The following P3H2 variants were observed in gnomAD, a reference collection of about 807,000 sequenced individuals.
P3H2 encodes prolyl 3-hydroxylase 2, also known as leprecan-like 1.
A neutral mutation model predicts 87.0 loss-of-function variants in P3H2; 80 were observed. The observed-to-expected ratio is 0.92, with a 90% confidence interval of 0.77 to 1.11. The LOEUF is 1.11. P3H2 is among the 50% of genes least tolerant of loss of function. The pLI, the probability that P3H2 is intolerant of heterozygous loss-of-function variation, is 0.00. For synonymous variants in P3H2, 367 were observed against 359.3 expected, an observed-to-expected ratio of 1.02 and a Z score of -0.24; for missense variants, 1,001 against 923.9, an observed-to-expected ratio of 1.08 and a Z score of -1.08.
At chr3:190,003,342 C>T (rs975199804) in intron 1 of P3H2, among the ~76,000 whole-genome samples, 6 of 151,984 alleles carry the variant, frequency 3.9e-5, no homozygotes, top group East Asian at 1.9e-4. Context: ...TTAGGAGCTC[C>T]GTGAAACAAC....
chr3:190,007,567 G>T (rs1010454891), intron 1 of P3H2, among the ~76,000 whole-genome samples: 1 of 151,942 alleles, frequency 6.6e-6, no homozygotes, highest in Non-Finnish European at 1.5e-5. Flanking sequence ...TCTTTTCCCA[G>T]ACAGAAAGCC....
At chr3:190,120,078 A>C (rs1712477130) in intron 1 of P3H2, among the ~76,000 whole-genome samples, 174 bp downstream of exon 1, 1 of 152,244 alleles carries the variant, frequency 6.6e-6, no homozygotes, top group African/African-American at 2.4e-5. Flanking sequence ...CAAGTTAATC[A>C]ATTGTTGCAT....
intron 1 of P3H2, among the ~76,000 whole-genome samples, chr3:190,110,843 T>C (rs1274697019): frequency 6.6e-6 from 1 of 152,250 alleles, no homozygotes; most frequent in Non-Finnish European, 1.5e-5. Context: ...TAGAAGTTTC[T>C]TTGTTTTGTA....
chr3:190,000,700 C>T (rs564093946), intron 1 of P3H2, among the ~76,000 whole-genome samples: 1 of 152,186 alleles, frequency 6.6e-6, no homozygotes, highest in East Asian at 1.9e-4. Context: ...TGAAAGGTGC[C>T]TGAAGTGGAA....
At chr3:190,080,808 T>C (rs985769889) in intron 1 of P3H2, among the ~76,000 whole-genome samples, 1 of 152,196 alleles carries the variant, frequency 6.6e-6, no homozygotes, top group Admixed American at 6.5e-5. Flanking sequence ...GCAACATCTG[T>C]AGTGGAGACA....
At chr3:189,984,711 G>T in intron 6 of P3H2, 121 bp from the exon 7 acceptor site, 1 of 718,422 alleles carries the variant, frequency 1.4e-6, no homozygotes, top group Non-Finnish European at 2.4e-6. Flanking sequence ...TAGGAATTTT[G>T]CATATTGTGT....
intron 1 of P3H2, among the ~76,000 whole-genome samples, chr3:190,051,250 T>C (rs1725971972): frequency 6.6e-6 from 1 of 152,160 alleles, no homozygotes; most frequent in East Asian, 1.9e-4. Context: ...AAGAGGCAAC[T>C]GAAGAAAAAG....
In P3H2 at chr3:189,973,917, C is replaced by T; in HGVS notation, c.1540G>A (p.Ala514Thr). The change falls in exon 10 of 15, where the codon GCA becomes ACA. Residue 514 changes from alanine (A) to threonine (T), a missense_variant. Physicochemically the swap from Ala to Thr is moderately conservative, Grantham distance 58 (BLOSUM62 0). Coordinates refer to ENST00000319332, the MANE Select transcript of P3H2 (RefSeq NM_018192.4). ...EKFEGATVLK[A>T]LKSGYEGRVP... ...AGAAGTTAAGACTTTACTTTGAGTG[C>T]TTTCAGGACAGTTGCACCTTCAAAC... 1 of 1,613,126 alleles carries T rather than the reference C, an allele frequency of 6.2e-7. No homozygotes were observed. The highest frequency in any genetic ancestry group is 8.5e-7 in the Non-Finnish European group (1 of 1,179,084).
At chr3:189,984,009 T>C (rs3108308) in intron 7 of P3H2, among the ~76,000 whole-genome samples, 114,815 of 151,772 alleles carry the variant, frequency 0.76, 44,098 homozygotes, top group East Asian at 0.92. Flanking sequence ...CACACCAACA[T>C]GGCACATGTA....
chr3:189,970,670 G>C, intron 13 of P3H2, 146 bp downstream of exon 13: 1 of 634,590 alleles, frequency 1.6e-6, no homozygotes, highest in East Asian at 2.7e-5. Flanking sequence ...AACAGTTTAT[G>C]ATCTATACAT....
chr3:190,079,854 A>G (rs2108978553), intron 1 of P3H2, among the ~76,000 whole-genome samples: 1 of 152,348 alleles, frequency 6.6e-6, no homozygotes, highest in East Asian at 1.9e-4. Context: ...TTAACCTGTC[A>G]GTGCCCAGTT....
chr3:190,033,374 T>C (rs1232355376), intron 1 of P3H2, among the ~76,000 whole-genome samples: 1 of 152,190 alleles, frequency 6.6e-6, no homozygotes, highest in African/African-American at 2.4e-5. Context: ...TTTATTAAAA[T>C]TAATATTGGA....
At position 190,107,572 on chromosome 3, in the gene P3H2, A is replaced by G. The variant is rs535539255; in HGVS notation, c.480+12680T>C. Among the ~76,000 whole-genome samples the G allele has an allele frequency of 2.0e-5, 3 of 152,328 alleles. No homozygotes were observed. The East Asian group carries it at 5.8e-4, about 29-fold the overall frequency. ...TTCACAGAGATAGAAATTGAGACAC[A>G]AAGAGGGTGAACAATTTGGAGAACT... On this transcript the variant is annotated intron_variant, in intron 1 of 14. Coordinates refer to ENST00000319332, the MANE Select transcript of P3H2 (RefSeq NM_018192.4).
chr3:190,009,966 G>A (rs1238876651), intron 1 of P3H2, among the ~76,000 whole-genome samples: 3 of 152,054 alleles, frequency 2.0e-5, no homozygotes, highest in Non-Finnish European at 2.9e-5. Context: ...AGCTGAGGAC[G>A]CTAAGACCCT....
At chr3:190,098,005 T>C (rs1488683588) in intron 1 of P3H2, among the ~76,000 whole-genome samples, 1 of 152,218 alleles carries the variant, frequency 6.6e-6, no homozygotes. Flanking sequence ...ATTGTCATTG[T>C]TAAAGTAAAA....
intron 1 of P3H2, among the ~76,000 whole-genome samples, chr3:190,011,651 A>C (rs970529125): frequency 1.3e-5 from 2 of 152,186 alleles, no homozygotes; most frequent in African/African-American, 4.8e-5. Flanking sequence ...ATGTCATCTT[A>C]ATTTCGTCAA....
chr3:190,077,613 C>G (rs1469977765), intron 1 of P3H2, among the ~76,000 whole-genome samples: 1 of 152,120 alleles, frequency 6.6e-6, no homozygotes, highest in Non-Finnish European at 1.5e-5. Flanking sequence ...GTTACCTCAT[C>G]ATGTAGAAGG....
intron 13 of P3H2, among the ~76,000 whole-genome samples, chr3:189,966,977 C>T (rs1159815909): frequency 6.6e-6 from 1 of 152,146 alleles, no homozygotes; most frequent in Non-Finnish European, 1.5e-5. Flanking sequence ...GAAGACGTTA[C>T]TTCCTTATGT....
intron 1 of P3H2, among the ~76,000 whole-genome samples, chr3:190,109,811 G>T: frequency 6.8e-6 from 1 of 146,882 alleles, no homozygotes. Context: ...AGTATAAACT[G>T]TACTTATCTA....
Sources: gnomAD v4.1 joint callset for allele counts (sites outside exome capture counted in the v4.1 genomes callset) on GRCh38, gnomAD v4.1.1 for gene constraint, MANE v1.5 for transcripts, NCBI Gene and HGNC (gene_info 2026-07-23, HGNC 2026-07-21) for gene names.